KAT6B: variants seen among roughly 807,000 people sequenced by gnomAD.
KAT6B encodes the protein lysine acetyltransferase 6B.
KAT6B carries 10 observed loss-of-function variants against 187.5 expected under a neutral mutation model. The ratio of observed to expected loss-of-function variants is 0.05; its 90% confidence interval spans 0.03 to 0.09. KAT6B has a LOEUF of 0.09. Among genes scored for constraint, KAT6B ranks in the 10% least tolerant of loss-of-function variants. KAT6B has a pLI of 1.00. For synonymous variants in KAT6B, 861 were observed against 926.8 expected (o/e 0.93, Z 1.29); for missense variants, 1,952 against 2,558.9 (o/e 0.76, Z 5.12).
At chr10:75,006,050 C>T (rs931766051) in intron 13 of KAT6B, among the ~76,000 whole-genome samples, 1 of 152,094 alleles carries the variant, frequency 6.6e-6, no homozygotes, top group African/African-American at 2.4e-5. Flanking sequence ...TTGCATATGT[C>T]CTTTTTTGGG....
chr10:74,845,164 A>G (rs1381008998), intron 3 of KAT6B, among the ~76,000 whole-genome samples: 1 of 151,784 alleles, frequency 6.6e-6, no homozygotes, highest in Non-Finnish European at 1.5e-5. Flanking sequence ...GGCTGCAGTG[A>G]GCCTTGATTG....
At chr10:74,931,530 A>G (rs905350860) in intron 3 of KAT6B, among the ~76,000 whole-genome samples, 2 of 152,226 alleles carry the variant, frequency 1.3e-5, no homozygotes, top group Non-Finnish European at 2.9e-5. Flanking sequence ...AGTATTAAAT[A>G]TGCTGCCACT....
chr10:74,922,922 A>G (rs1285677285), intron 3 of KAT6B, among the ~76,000 whole-genome samples: 1 of 152,218 alleles, frequency 6.6e-6, no homozygotes, highest in Non-Finnish European at 1.5e-5. Flanking sequence ...TGATACACAG[A>G]TGAAGCAAAA....
rs557853593 is a variant in KAT6B at position 74,846,622 on chromosome 10, A to G, written c.621+3144A>G. Among the ~76,000 whole-genome samples, 245 of 152,216 alleles carry G rather than the reference A, an allele frequency of 1.6e-3. 1 individual carries two copies. Among genetic ancestry groups the G allele is most frequent in the Middle Eastern group, 6.8e-3 (2 of 294 alleles). The stretch of plus-strand genomic sequence containing the variant: ...CCTGGCCAATTTTTTGTATTTTAGT[A>G]GAGACGGGGTTTCACCATGTTGGCC... On this transcript the variant is annotated intron_variant, in intron 3 of 17. Coordinates refer to ENST00000287239, the MANE Select transcript of KAT6B (RefSeq NM_012330.4).
At chr10:74,957,358 A>G (rs1325920566) in intron 3 of KAT6B, among the ~76,000 whole-genome samples, 1 of 152,260 alleles carries the variant, frequency 6.6e-6, no homozygotes, top group Non-Finnish European at 1.5e-5. Flanking sequence ...GGTTGTGAGC[A>G]TACATCAGCA....
At chr10:74,926,837 A>G (rs1286612998) in intron 3 of KAT6B, among the ~76,000 whole-genome samples, 1 of 152,204 alleles carries the variant, frequency 6.6e-6, no homozygotes, top group African/African-American at 2.4e-5. Flanking sequence ...CTTGAGACCT[A>G]TTCTGGCTTT....
chr10:74,977,214 C>A, intron 8 of KAT6B, 102 bp from the exon 9 acceptor site: 2 of 1,248,910 alleles, frequency 1.6e-6, no homozygotes, highest in Non-Finnish European at 1.1e-6. Flanking sequence ...AAAAAAAATC[C>A]CTATTTGCCC....
chr10:74,948,696 G>T (rs999724815), intron 3 of KAT6B, among the ~76,000 whole-genome samples: 7 of 152,232 alleles, frequency 4.6e-5, no homozygotes, highest in African/African-American at 1.4e-4. Flanking sequence ...CTGATACACA[G>T]CTCTACTAAG....
At chr10:75,009,938 T>C (rs1007922530) in intron 13 of KAT6B, among the ~76,000 whole-genome samples, 13 of 152,194 alleles carry the variant, frequency 8.5e-5, no homozygotes, top group Admixed American at 7.2e-4. Flanking sequence ...GAGATGGTGG[T>C]TGCAATGAGC....
intron 3 of KAT6B, among the ~76,000 whole-genome samples, chr10:74,894,328 C>T (rs1330478652): frequency 6.6e-6 from 1 of 152,160 alleles, no homozygotes; most frequent in African/African-American, 2.4e-5. Flanking sequence ...GTGATCCACC[C>T]ACCTCGGCCT....
At chr10:74,877,119 C>G (rs948659521) in intron 3 of KAT6B, among the ~76,000 whole-genome samples, 1 of 151,886 alleles carries the variant, frequency 6.6e-6, no homozygotes, top group Non-Finnish European at 1.5e-5. Flanking sequence ...GCATGCGCCA[C>G]CACGCCTGGC....
At chr10:74,863,806 C>G (rs1282555489) in intron 3 of KAT6B, among the ~76,000 whole-genome samples, 1 of 152,182 alleles carries the variant, frequency 6.6e-6, no homozygotes, top group Non-Finnish European at 1.5e-5. Context: ...CTCTTTCAAC[C>G]ACATTTAGTC....
chr10:74,866,800 T>G (rs770657740), intron 3 of KAT6B, among the ~76,000 whole-genome samples: 5 of 152,210 alleles, frequency 3.3e-5, no homozygotes, highest in African/African-American at 7.2e-5. Context: ...TGAGACTTTC[T>G]TCTTGACTTA....
intron 13 of KAT6B, among the ~76,000 whole-genome samples, chr10:75,005,512 C>T (rs1488238372): frequency 3.3e-5 from 5 of 152,182 alleles, no homozygotes; most frequent in Admixed American, 6.5e-5. Context: ...GCCACCACGC[C>T]TGGCCCTAAA....
chr10:74,896,687 T>C (rs1406225871), intron 3 of KAT6B, among the ~76,000 whole-genome samples: 7 of 152,266 alleles, frequency 4.6e-5, no homozygotes, highest in Admixed American at 4.6e-4. Flanking sequence ...CTTCCAAATA[T>C]GCTTTCTCTT....
intron 11 of KAT6B, chr10:74,984,776 A>C (rs1457112457): frequency 2.6e-6 from 1 of 382,536 alleles, no homozygotes; most frequent in Non-Finnish European, 4.9e-6. Context: ...GATCATTTTT[A>C]GCTCAGAATA....
At chr10:74,893,692 A>G (rs1845796570) in intron 3 of KAT6B, among the ~76,000 whole-genome samples, 1 of 147,210 alleles carries the variant, frequency 6.8e-6, no homozygotes, top group Non-Finnish European at 1.5e-5. Flanking sequence ...CTAGTCTTGA[A>G]CTCCCGATCT....
At chr10:74,901,191 T>C (rs1020431075) in intron 3 of KAT6B, among the ~76,000 whole-genome samples, 1 of 152,214 alleles carries the variant, frequency 6.6e-6, no homozygotes, top group Non-Finnish European at 1.5e-5. Flanking sequence ...GCTATCCAGT[T>C]ACCTGTCAAA....
At chr10:74,852,701 C>T (rs1842552212) in intron 3 of KAT6B, among the ~76,000 whole-genome samples, 2 of 152,184 alleles carry the variant, frequency 1.3e-5, no homozygotes, top group Admixed American at 1.3e-4. Context: ...AAATGGGCTT[C>T]AGGTAAAGTA....
Sources: allele counts gnomAD v4.1 joint callset (sites outside exome capture counted in the v4.1 genomes callset), GRCh38; gene constraint gnomAD v4.1.1; transcripts MANE v1.5; gene names NCBI Gene and HGNC (gene_info 2026-07-23, HGNC 2026-07-21).